IL1RL1: variants seen among roughly 807,000 people sequenced by gnomAD.
IL1RL1 encodes interleukin 1 receptor like 1.
In IL1RL1, 32 loss-of-function variants were observed where a neutral mutation model predicts 50.9. That is an observed-to-expected ratio of 0.63 (90% CI 0.47 to 0.84). The LOEUF is 0.84. Among genes scored for constraint, IL1RL1 ranks in the 40% least tolerant of loss-of-function variants. IL1RL1 has a pLI of 0.00. For missense variants in IL1RL1, 773 were observed against 662.9 expected (o/e 1.17, Z -1.82); for synonymous variants, 275 against 236.0 (o/e 1.17, Z -1.51).
rs1677603285 is a variant in IL1RL1, at chr2:102,342,354, C to T, written c.682+60C>T. On this transcript the variant is annotated intron_variant, in intron 6 of 10. Coordinates refer to ENST00000233954, the MANE Select transcript of IL1RL1 (RefSeq NM_016232.5). ...CTGGAAAAATCCTTCCATATGACCC[C>T]TGTTCTGAATTCCCTTAGCAGGGGT... The T allele has an allele frequency of 2.5e-6, 3 of 1,202,230 alleles. No homozygotes were observed. In the South Asian group the frequency reaches 3.6e-5, roughly 15 times the overall value. 74.5% of individuals were successfully genotyped at this position (1,202,230 alleles called of 1,614,324 possible). A position where few individuals can be genotyped will look rare whatever the true frequency, so the allele number is the denominator to read the frequency against.
Position 102,335,666 on chromosome 2 carries a change from TA to T in IL1RL1, c.-149-2449del, listed in dbSNP as rs556605601. ...ATGATGTTAAAATTGATGGAAGCTT[TA>T]TTTTTTAAACTGAGAAACTAATGCT... On this transcript the variant is annotated intron_variant, in intron 1 of 10. Transcript: ENST00000233954. Among the ~76,000 whole-genome samples the T allele has an allele frequency of 1.7e-4, 26 of 152,338 alleles. 1 individual carries two copies. In the South Asian group the frequency reaches 5.2e-3, roughly 30 times the overall value.
Position 102,349,171 on chromosome 2 carries a change from A to AT in IL1RL1, c.1212dup (p.Leu405SerfsTer3). ...TCGTGTAGAGCACTTTGTTCACCAG[A>AT]TTCTGCCTGATGTTCTTGAAAATAA... On this transcript the variant is annotated frameshift_variant, in exon 10 of 11. Transcript: ENST00000233954. LOFTEE classifies it high-confidence loss of function. The AT allele has an allele frequency of 6.2e-7, 1 of 1,613,786 alleles. No individual in the cohort carries two copies. Among genetic ancestry groups the AT allele is most frequent in the Non-Finnish European group, 8.5e-7 (1 of 1,179,686 alleles).
At chr2:102,324,223 G>T (rs141208743) in intron 1 of IL1RL1, among the ~76,000 whole-genome samples, 1 of 152,102 alleles carries the variant, frequency 6.6e-6, no homozygotes, top group African/African-American at 2.4e-5. Flanking sequence ...TGTAACACAA[G>T]CACATAATCA....
At chr2:102,318,619 G>C (rs933225437) in intron 1 of IL1RL1, among the ~76,000 whole-genome samples, 1 of 152,192 alleles carries the variant, frequency 6.6e-6, no homozygotes, top group Admixed American at 6.5e-5. Context: ...TAGAGATGGT[G>C]TTTCAAACCA....
rs559451878 is a variant in IL1RL1 at position 102,350,885 on chromosome 2, G to A, written c.1286-651G>A. 1.2e-4 allele frequency among the ~76,000 whole-genome samples: 19 copies of A among 152,306 alleles called. No individual in the cohort carries two copies. In the South Asian group the frequency reaches 3.9e-3, roughly 32 times the overall value. On this transcript the variant is annotated intron_variant, in intron 10 of 10. Transcript: ENST00000233954. ...TTTATTCACGGTTGTGCTTTCTCCT[G>A]TTGCAGTGAGGACTGGGTATTTCAT... is the stretch of plus-strand genomic sequence containing the variant.
At chr2:102,312,009 A>AT (rs1559592255) in intron 1 of IL1RL1, among the ~76,000 whole-genome samples, 1 of 22,756 alleles carries the variant, frequency 4.4e-5, no homozygotes, top group African/African-American at 3.2e-4. Context: ...ATATTTATAT[A>AT]TATTATATAT....
intron 10 of IL1RL1, among the ~76,000 whole-genome samples, chr2:102,350,355 A>T (rs2105001581): frequency 6.6e-6 from 1 of 152,340 alleles, no homozygotes; most frequent in East Asian, 1.9e-4. Context: ...ACTTCTCCTC[A>T]GCCAAACCCA....
At chr2:102,333,181 T>C (rs1056815131) in intron 1 of IL1RL1, among the ~76,000 whole-genome samples, 3 of 150,696 alleles carry the variant, frequency 2.0e-5, no homozygotes, top group Non-Finnish European at 4.4e-5. Context: ...AGAGTGTCTG[T>C]TTTAGGAATA....
chr2:102,311,960 T>TCA (rs1444109857), intron 1 of IL1RL1, among the ~76,000 whole-genome samples: 7 of 32,764 alleles, frequency 2.1e-4, no homozygotes, highest in South Asian at 5.8e-4. Context: ...ATAATATATA[T>TCA]TATATATAAT....
chr2:102,350,201 T>A (rs1677889561), intron 10 of IL1RL1, among the ~76,000 whole-genome samples: 1 of 152,250 alleles, frequency 6.6e-6, no homozygotes, highest in South Asian at 2.1e-4. Flanking sequence ...TAATGAGTAA[T>A]GCTCTCAAAC....
chr2:102,350,684 G>C (rs1394148697), intron 10 of IL1RL1, among the ~76,000 whole-genome samples: 1 of 152,238 alleles, frequency 6.6e-6, no homozygotes, highest in Non-Finnish European at 1.5e-5. Flanking sequence ...CTCCAGGCTG[G>C]GTTTGGCCAA....
In IL1RL1 at chr2:102,351,924, C is replaced by T. The variant is rs1283991571; in HGVS notation, c.*3C>T. 3 of 1,600,896 alleles carry T rather than the reference C, an allele frequency of 1.9e-6. No individual in the cohort carries two copies. Among genetic ancestry groups the T allele is most frequent in the African/African-American group, 1.3e-5 (1 of 74,432 alleles). ...CCTTGGCTGCCCAGAAGCAATAGTG[C>T]CTGCTGTGATGTGCAAAGGCATCTG... On this transcript the variant is annotated 3_prime_UTR_variant, in exon 11 of 11. Coordinates refer to ENST00000233954, the MANE Select transcript of IL1RL1 (RefSeq NM_016232.5).
intron 1 of IL1RL1, chr2:102,337,117 A>G (rs1229467658): frequency 4.6e-5 from 7 of 152,330 alleles, no homozygotes; most frequent in Non-Finnish European, 1.5e-5. Flanking sequence ...TTTATGTTTA[A>G]ATATTTATTT....
chr2:102,322,140 GT>G (rs1676855018), intron 1 of IL1RL1, among the ~76,000 whole-genome samples: 3 of 152,184 alleles, frequency 2.0e-5, no homozygotes, highest in African/African-American at 7.2e-5. Flanking sequence ...AGTTGGTGTT[GT>G]AGTCTTGACT....
intron 5 of IL1RL1, 148 bp from the exon 6 acceptor site, chr2:102,342,075 G>T (rs1297421613): frequency 3.6e-6 from 2 of 552,404 alleles, no homozygotes; most frequent in East Asian, 6.3e-5. Flanking sequence ...GTGTGTGTGT[G>T]TGTGTGTGTG....
intron 1 of IL1RL1, among the ~76,000 whole-genome samples, chr2:102,323,925 G>A (rs569057024): frequency 1.3e-5 from 2 of 151,802 alleles, no homozygotes; most frequent in African/African-American, 4.8e-5. Context: ...TGCAGTTTGG[G>A]AACATTATAT....
intron 1 of IL1RL1, among the ~76,000 whole-genome samples, chr2:102,334,708 AGT>A (rs1677265334): frequency 6.6e-6 from 1 of 151,936 alleles, no homozygotes; most frequent in African/African-American, 2.4e-5. Context: ...ACTGGTTTAC[AGT>A]AAGAGCAGGC....
chr2:102,336,199 G>C lies in IL1RL1; in HGVS notation c.-149-1917G>C, dbSNP rs1677320844. On this transcript the variant is annotated intron_variant, in intron 1 of 10. Coordinates refer to ENST00000233954, the MANE Select transcript of IL1RL1 (RefSeq NM_016232.5). The stretch of plus-strand genomic sequence containing the variant: ...GCAGTTGGATTCTGTGATTAGTCTA[G>C]TCTTCAGAGCCAGCCTTCTTGAGTT... 2.6e-5 allele frequency among the ~76,000 whole-genome samples: 4 copies of C among 152,180 alleles called. No homozygotes were observed. In the South Asian group the frequency reaches 8.3e-4, roughly 31 times the overall value.
At chr2:102,341,239 C>T in intron 5 of IL1RL1, 9 of 1,225,986 alleles carry the variant, frequency 7.3e-6, no homozygotes, top group Non-Finnish European at 8.3e-6. Context: ...TTTAGTAATA[C>T]TCATTGGATT....
Sources: allele counts gnomAD v4.1 joint callset (sites outside exome capture counted in the v4.1 genomes callset), GRCh38; gene constraint gnomAD v4.1.1; transcripts MANE v1.5; gene names NCBI Gene and HGNC (gene_info 2026-07-23, HGNC 2026-07-21).